Variants in HEATR3 observed in about 807,000 individuals in gnomAD.
The protein encoded by HEATR3 is HEAT repeat containing 3.
A neutral mutation model predicts 72.8 loss-of-function variants in HEATR3; 56 were observed. The ratio of observed to expected loss-of-function variants is 0.77; its 90% confidence interval spans 0.62 to 0.96. The LOEUF (loss-of-function observed/expected upper bound fraction) is 0.96. Among genes scored for constraint, HEATR3 ranks in the 40% least tolerant of loss-of-function variants. The probability of loss-of-function intolerance (pLI) is 0.00; values close to 1 mark genes in which losing one functional copy is unlikely to be tolerated. For missense variants in HEATR3, 747 were observed against 831.4 expected (o/e 0.90, Z 1.25); for synonymous variants, 331 against 318.1 (o/e 1.04, Z -0.43).
chr16:50,070,288 A>T lies in HEATR3; in HGVS notation c.510A>T (p.Ile170=). 1.3e-6 allele frequency: 2 copies of T among 1,487,510 alleles called. No homozygotes were observed. The highest frequency in any genetic ancestry group is 1.9e-6 in the Non-Finnish European group (2 of 1,066,984). 92.1% of individuals were successfully genotyped at this position (1,487,510 alleles called of 1,614,324 possible). ...ANETVNVLWN[I]CECSSRAVSI... ...AGACTGTGAACGTGCTGTGGAATAT[A>T]TGGTAAGATGCCTACCAAACACAGT... is the stretch of plus-strand genomic sequence containing the variant. The change falls in exon 4 of 15, where the codon ATA becomes ATT. Residue 170 remains isoleucine (I), a splice_region_variant and synonymous_variant. Transcript: ENST00000299192.
chr16:50,101,732 C>T (rs1013942104), intron 13 of HEATR3, among the ~76,000 whole-genome samples: 38 of 152,038 alleles, frequency 2.5e-4, no homozygotes, highest in African/African-American at 8.5e-4. Context: ...AGACTAGATT[C>T]GATTCAGATC....
intron 11 of HEATR3, 39 bp from the exon 12 acceptor site, chr16:50,094,666 G>C: frequency 8.0e-7 from 1 of 1,254,880 alleles, no homozygotes; most frequent in Non-Finnish European, 1.1e-6. Flanking sequence ...AGCCTATCTT[G>C]GAGAAATGCA....
At chr16:50,093,686 C>T (rs370857110) in intron 11 of HEATR3, among the ~76,000 whole-genome samples, 6 of 152,246 alleles carry the variant, frequency 3.9e-5, no homozygotes, top group Middle Eastern at 3.4e-3. Flanking sequence ...TGGAATCATC[C>T]GAAGTCTTGT....
At chr16:50,075,540 T>A in intron 5 of HEATR3, 31 bp from the exon 6 acceptor site, 1 of 1,587,356 alleles carries the variant, frequency 6.3e-7, no homozygotes, top group Non-Finnish European at 8.6e-7. Context: ...AGAATTCATT[T>A]GTTTCTAAAT....
chr16:50,068,718 G>T, intron 2 of HEATR3, 62 bp from the exon 3 acceptor site: 1 of 1,242,790 alleles, frequency 8.0e-7, no homozygotes, highest in Non-Finnish European at 1.2e-6. Flanking sequence ...AAATGTGAGA[G>T]GGTAGAAGTG....
intron 7 of HEATR3, among the ~76,000 whole-genome samples, chr16:50,082,139 C>G (rs1597152462): frequency 6.6e-6 from 1 of 152,214 alleles, no homozygotes; most frequent in East Asian, 1.9e-4. Context: ...GCCAGGAGTT[C>G]AAGACCTGCC....
intron 5 of HEATR3, 24 bp from the exon 6 acceptor site, chr16:50,075,547 A>T: frequency 6.3e-7 from 1 of 1,597,686 alleles, no homozygotes; most frequent in Non-Finnish European, 8.6e-7. Flanking sequence ...ATTTGTTTCT[A>T]AATACTTATT....
chr16:50,085,230 A>G (rs1230729012), intron 10 of HEATR3, among the ~76,000 whole-genome samples: 1 of 152,094 alleles, frequency 6.6e-6, no homozygotes, highest in Non-Finnish European at 1.5e-5. Context: ...CAGCAGTGTT[A>G]ATTTCTTTCC....
Position 50,083,897 on chromosome 16 carries a change from C to T in HEATR3, c.1042-40C>T, listed in dbSNP as rs759026419. 51 of 1,538,868 alleles carry T rather than the reference C, an allele frequency of 3.3e-5. No individual in the cohort carries two copies. The East Asian group carries it at 1.1e-3, about 35-fold the overall frequency. On this transcript the variant is annotated intron_variant, in intron 7 of 14. Transcript: ENST00000299192. ...AATTCCCCAAAAACATTTTCCCAAC[C>T]ATTGAGAGTTGGTCATTTACTTTTT...
At chr16:50,104,082 G>A (rs2037426936) in intron 14 of HEATR3, among the ~76,000 whole-genome samples, 1 of 151,932 alleles carries the variant, frequency 6.6e-6, no homozygotes, top group African/African-American at 2.4e-5. Flanking sequence ...GGGCATGGTG[G>A]CTCACACCAG....
Position 50,098,830 on chromosome 16 carries a change from A to G in HEATR3, c.1600-1400A>G, listed in dbSNP as rs185399353. 1.4e-3 allele frequency among the ~76,000 whole-genome samples: 211 copies of G among 152,234 alleles called. 1 individual carries two copies. The highest frequency in any genetic ancestry group is 1.9e-3 in the Admixed American group (29 of 15,294). On this transcript the variant is annotated intron_variant, in intron 12 of 14. Transcript: ENST00000299192. ...TGATATTAAAATTGTTTGCTGTAGT[A>G]ACATTAAAATTGTAGTGACATTAAA...
At chr16:50,098,650 C>T (rs944127939) in intron 12 of HEATR3, among the ~76,000 whole-genome samples, 2 of 150,490 alleles carry the variant, frequency 1.3e-5, no homozygotes, top group East Asian at 1.9e-4. Context: ...AGCGATACTC[C>T]GTTTCAAAAA....
chr16:50,093,641 T>G (rs529640874), intron 11 of HEATR3, among the ~76,000 whole-genome samples: 12 of 152,286 alleles, frequency 7.9e-5, no homozygotes, highest in Non-Finnish European at 1.0e-4. Context: ...AATACTAGTC[T>G]AGGGCCTCTG....
At chr16:50,084,681 T>G (rs777093727) in intron 10 of HEATR3, 30 bp downstream of exon 10, 3 of 1,471,328 alleles carry the variant, frequency 2.0e-6, no homozygotes, top group Non-Finnish European at 2.8e-6. Context: ...CAAAAACATT[T>G]GTCATTATTT....
At chr16:50,101,106 C>CTTTTTTTTTTTT (rs5816674) in intron 13 of HEATR3, among the ~76,000 whole-genome samples, 2 of 144,342 alleles carry the variant, frequency 1.4e-5, no homozygotes, top group African/African-American at 2.5e-5. Context: ...ACTTGCAAAG[C>CTTTTTTTTTTTT]TTTTTTTTTT....
At chr16:50,096,348 GAAAA>G (rs2037237107) in intron 12 of HEATR3, among the ~76,000 whole-genome samples, 1 of 43,900 alleles carries the variant, frequency 2.3e-5, no homozygotes, top group Admixed American at 2.5e-4. Context: ...AAAAAAAACA[GAAAA>G]AGAAAAAAAC....
At position 50,100,218 on chromosome 16, in the gene HEATR3, CTCTTT is replaced by C. The variant is rs1796331988; in HGVS notation, c.1600-10_1600-6del. 6 of 1,607,404 alleles carry C rather than the reference CTCTTT, an allele frequency of 3.7e-6. No individual in the cohort carries two copies. Among genetic ancestry groups the C allele is most frequent in the Non-Finnish European group, 5.1e-6 (6 of 1,177,398 alleles). On this transcript the variant is annotated splice_polypyrimidine_tract_variant and splice_region_variant and intron_variant, in intron 12 of 14. Transcript: ENST00000299192. ...TTAACATTATAAATACTGTCCTCTTCTCTTTTAACAGTGCATGACTCCTGATCAGC... is the reference window on the plus strand; with the variant it reads ...TTAACATTATAAATACTGTCCTCTTCTAACAGTGCATGACTCCTGATCAGC...
At chr16:50,086,041 A>G (rs577379333) in intron 10 of HEATR3, among the ~76,000 whole-genome samples, 174 bp from the exon 11 acceptor site, 38 of 152,172 alleles carry the variant, frequency 2.5e-4, no homozygotes, top group Non-Finnish European at 5.0e-4. Flanking sequence ...AATGATGATA[A>G]ATTTTAGAAA....
At chr16:50,094,431 T>C (rs1006230419) in intron 11 of HEATR3, among the ~76,000 whole-genome samples, 5 of 152,232 alleles carry the variant, frequency 3.3e-5, no homozygotes, top group Admixed American at 3.3e-4. Flanking sequence ...GTGAGTCAAA[T>C]GAAAACCCAG....
Sources: gnomAD v4.1 joint callset for allele counts (sites outside exome capture counted in the v4.1 genomes callset) on GRCh38, gnomAD v4.1.1 for gene constraint, MANE v1.5 for transcripts, NCBI Gene and HGNC (gene_info 2026-07-23, HGNC 2026-07-21) for gene names.